The following ZNF560 variants were observed in gnomAD, a reference collection of about 807,000 sequenced individuals.
ZNF560 encodes the protein zinc finger protein 560.
In ZNF560, 54 loss-of-function variants were observed where a neutral mutation model predicts 81.8. The observed-to-expected ratio is 0.66, with a 90% CI of 0.53 to 0.83. The LOEUF is 0.83. ZNF560 is among the 40% of genes least tolerant of loss of function. ZNF560 has a pLI of 0.00. For missense variants in ZNF560, 940 were observed against 932.4 expected (o/e 1.01, Z -0.11); for synonymous variants, 321 against 317.9 (o/e 1.01, Z -0.10).
chr19:9,458,269 C>T, the ZNF560 span, among the ~76,000 whole-genome samples: 14 of 103,458 alleles, frequency 1.4e-4, no homozygotes, highest in African/African-American at 4.6e-4. Context: ...TAACATGAAA[C>T]TGTTTCAATT....
chr19:9,450,656 A>G, the ZNF560 span, among the ~76,000 whole-genome samples: 29 of 152,164 alleles, frequency 1.9e-4, no homozygotes, highest in African/African-American at 7.0e-4. Context: ...CAGCCTCCCG[A>G]GTATCTGGGA....
At chr19:9,491,517 C>A (rs867157840) in intron 2 of ZNF560, among the ~76,000 whole-genome samples, 2 of 151,976 alleles carry the variant, frequency 1.3e-5, no homozygotes, top group Admixed American at 1.3e-4. Context: ...AAATTAGGTG[C>A]AACACTTGGC....
At chr19:9,505,324 A>G in the ZNF560 span, among the ~76,000 whole-genome samples, 1 of 152,230 alleles carries the variant, frequency 6.6e-6, no homozygotes, top group Non-Finnish European at 1.5e-5. Context: ...TGATATCATT[A>G]TAGTCAATCC....
At chr19:9,503,048 A>T (rs960862333), upstream of ZNF560, among the ~76,000 whole-genome samples, 1 of 151,938 alleles carries the variant, frequency 6.6e-6, no homozygotes, top group South Asian at 2.1e-4. Flanking sequence ...ATTTATAGGT[A>T]TTTACAGCTA....
At chr19:9,479,916 C>CCA (rs1447390384) in intron 2 of ZNF560, among the ~76,000 whole-genome samples, 2 of 152,074 alleles carry the variant, frequency 1.3e-5, no homozygotes, top group Non-Finnish European at 2.9e-5. Flanking sequence ...AACAAATCCC[C>CCA]CACAGATTCC....
At chr19:9,499,743 T>C (rs1196825082), upstream of ZNF560, among the ~76,000 whole-genome samples, 1 of 152,214 alleles carries the variant, frequency 6.6e-6, no homozygotes, top group Admixed American at 6.5e-5. Context: ...TATCTCTCTA[T>C]TTAGGTCTTC....
chr19:9,474,158 T>C, intron 4 of ZNF560, 41 bp downstream of exon 4: 1 of 1,612,132 alleles, frequency 6.2e-7, no homozygotes, highest in Non-Finnish European at 8.5e-7. Flanking sequence ...ACAATGTATA[T>C]CTCTTCCCTA....
Position 9,475,510 on chromosome 19 carries a change from C to A in ZNF560, c.-56-141G>T, listed in dbSNP as rs930947316. ...AAATATACATTACATCCATAAAATG[C>A]CACTGCACTTCTGTCTAACCTAGAG... is the stretch of plus-strand genomic sequence containing the variant. On this transcript the variant is annotated intron_variant, in intron 2 of 9. Coordinates refer to ENST00000301480, the MANE Select transcript of ZNF560 (RefSeq NM_152476.3). The A allele has an allele frequency of 1.0e-5, 6 of 583,542 alleles. No individual in the cohort carries two copies. In the African/African-American group the frequency reaches 1.1e-4, roughly 11 times the overall value. The allele number at this position is 583,542 out of a possible 1,614,324, so 36.1% of individuals were successfully genotyped here. A position where few individuals can be genotyped will look rare whatever the true frequency, so the allele number is the denominator to read the frequency against.
intron 8 of ZNF560, 142 bp downstream of exon 8, chr19:9,469,488 G>A (rs918659350): frequency 2.0e-5 from 14 of 713,308 alleles, no homozygotes; most frequent in African/African-American, 1.9e-4. Flanking sequence ...AAGCAATGGA[G>A]GATGAAAAGT....
intron 3 of ZNF560, among the ~76,000 whole-genome samples, chr19:9,474,626 C>A (rs1159638035): frequency 6.6e-6 from 1 of 152,180 alleles, no homozygotes; most frequent in Admixed American, 6.5e-5. Flanking sequence ...CCAGAGTACA[C>A]TGCATCATAT....
the ZNF560 span, among the ~76,000 whole-genome samples, chr19:9,459,022 G>A: frequency 5.9e-5 from 9 of 152,180 alleles, no homozygotes; most frequent in Admixed American, 5.9e-4. Context: ...GTGGTGATGG[G>A]CATTCCAGCT....
intron 2 of ZNF560, among the ~76,000 whole-genome samples, chr19:9,484,374 G>A (rs1236827476): frequency 6.6e-6 from 1 of 152,028 alleles, no homozygotes; most frequent in Non-Finnish European, 1.5e-5. Context: ...CTAGACATGT[G>A]TGGCTACTGA....
the ZNF560 span, among the ~76,000 whole-genome samples, chr19:9,449,642 A>G: frequency 7.8e-4 from 119 of 152,312 alleles, no homozygotes; most frequent in African/African-American, 2.6e-3. Flanking sequence ...CCAACATCAT[A>G]CTAAATGGGC....
At chr19:9,472,444 C>T (rs1599654832) in intron 5 of ZNF560, among the ~76,000 whole-genome samples, 2 of 152,188 alleles carry the variant, frequency 1.3e-5, no homozygotes, top group East Asian at 3.9e-4. Context: ...TCCTAATTGC[C>T]TCCTGAGCTC....
intron 2 of ZNF560, among the ~76,000 whole-genome samples, chr19:9,496,950 T>G (rs567644307): frequency 1.3e-5 from 2 of 151,274 alleles, no homozygotes; most frequent in South Asian, 4.2e-4. Context: ...AAAAATAGAA[T>G]GAAATCCTGT....
chr19:9,452,084 A>C, the ZNF560 span, among the ~76,000 whole-genome samples: 1 of 152,106 alleles, frequency 6.6e-6, no homozygotes, highest in Non-Finnish European at 1.5e-5. Context: ...TAAGCCAAAA[A>C]AAAAAGTGGG....
At chr19:9,498,041 C>G (rs771621473) in intron 2 of ZNF560, 87 bp downstream of exon 2, 5 of 152,118 alleles carry the variant, frequency 3.3e-5, no homozygotes, top group Non-Finnish European at 7.3e-5. Context: ...TTCACAAAGG[C>G]AAAATGCCAA....
upstream of ZNF560, among the ~76,000 whole-genome samples, chr19:9,500,508 A>C (rs2073624812): frequency 6.6e-6 from 1 of 152,042 alleles, no homozygotes; most frequent in Non-Finnish European, 1.5e-5. Flanking sequence ...TCACTATTGA[A>C]TATCACGTTA....
At chr19:9,489,835 C>A (rs2144722932) in intron 2 of ZNF560, among the ~76,000 whole-genome samples, 1 of 152,286 alleles carries the variant, frequency 6.6e-6, no homozygotes, top group Admixed American at 6.5e-5. Context: ...CATGATCCGC[C>A]CACCTCAGCC....
Sources: gnomAD v4.1 joint callset for allele counts (sites outside exome capture counted in the v4.1 genomes callset) on GRCh38, gnomAD v4.1.1 for gene constraint, MANE v1.5 for transcripts, NCBI Gene and HGNC (gene_info 2026-07-23, HGNC 2026-07-21) for gene names.